Variants in KCNQ5 observed in about 807,000 individuals in gnomAD.
The protein encoded by KCNQ5 is potassium voltage-gated channel subfamily KQT member 5.
Under a neutral mutation model 98.2 loss-of-function variants are expected in KCNQ5, and 30 were observed. The ratio of observed to expected loss-of-function variants is 0.31; its 90% confidence interval spans 0.23 to 0.41. The LOEUF (loss-of-function observed/expected upper bound fraction) is 0.41, where lower values mean the gene tolerates loss of function less well. Ranked by LOEUF, KCNQ5 falls within the 10% of genes least tolerant of loss-of-function variation. The probability of loss-of-function intolerance (pLI) is 1.00; values close to 1 mark genes in which losing one functional copy is unlikely to be tolerated. For missense variants in KCNQ5, 835 were observed against 1,182.5 expected, an observed-to-expected ratio of 0.71 and a Z score of 4.31; for synonymous variants, 458 against 449.4, an observed-to-expected ratio of 1.02 and a Z score of -0.24.
chr6:73,141,930 T>A (rs1776731079), intron 10 of KCNQ5, among the ~76,000 whole-genome samples: 1 of 152,214 alleles, frequency 6.6e-6, no homozygotes, highest in African/African-American at 2.4e-5. Context: ...CCAGAAGCAG[T>A]TTAGCTGAAT....
At chr6:72,828,155 G>A (rs1280563854) in intron 1 of KCNQ5, among the ~76,000 whole-genome samples, 1 of 152,136 alleles carries the variant, frequency 6.6e-6, no homozygotes. Flanking sequence ...ATTGAGGACT[G>A]GTAGTGTGGT....
chr6:72,830,686 A>G (rs1776219248), intron 1 of KCNQ5, among the ~76,000 whole-genome samples: 2 of 152,250 alleles, frequency 1.3e-5, no homozygotes, highest in African/African-American at 4.8e-5. Context: ...CAAGGATCTC[A>G]TGTCTAAAAC....
chr6:72,892,655 C>T (rs1199684564), intron 1 of KCNQ5, among the ~76,000 whole-genome samples: 2 of 151,482 alleles, frequency 1.3e-5, no homozygotes, highest in Non-Finnish European at 2.9e-5. Flanking sequence ...ATTTGCAGAC[C>T]GACACTCCTG....
At chr6:73,013,419 A>C (rs904051386) in intron 2 of KCNQ5, among the ~76,000 whole-genome samples, 4 of 152,074 alleles carry the variant, frequency 2.6e-5, no homozygotes, top group African/African-American at 9.7e-5. Flanking sequence ...AAATTTGTGA[A>C]CTCAAGAACG....
At chr6:73,075,841 C>T (rs1773515219) in intron 3 of KCNQ5, among the ~76,000 whole-genome samples, 1 of 152,004 alleles carries the variant, frequency 6.6e-6, no homozygotes, top group Admixed American at 6.6e-5. Context: ...CTCAGGAGTT[C>T]GAGACCAGCC....
chr6:72,653,957 AAAAT>A (rs1225322426), intron 1 of KCNQ5, among the ~76,000 whole-genome samples: 2 of 152,108 alleles, frequency 1.3e-5, no homozygotes, highest in African/African-American at 4.8e-5. Flanking sequence ...AGTTACTTTG[AAAAT>A]AAATAAAAAT....
At chr6:73,043,192 T>G in intron 3 of KCNQ5, 1 of 409,006 alleles carries the variant, frequency 2.4e-6, no homozygotes, top group Non-Finnish European at 5.2e-6. Flanking sequence ...GAAGAATCCT[T>G]TATTCCATAC....
At chr6:73,178,187 C>T (rs1283831512) in intron 11 of KCNQ5, among the ~76,000 whole-genome samples, 3 of 151,358 alleles carry the variant, frequency 2.0e-5, no homozygotes, top group Non-Finnish European at 2.9e-5. Flanking sequence ...CAAATTTAGT[C>T]GCCATATCAA....
At chr6:73,147,675 T>A (rs1480089443) in intron 10 of KCNQ5, among the ~76,000 whole-genome samples, 3 of 152,182 alleles carry the variant, frequency 2.0e-5, no homozygotes, top group African/African-American at 7.2e-5. Flanking sequence ...AAAATATTTA[T>A]TTTGAATGAA....
intron 7 of KCNQ5, among the ~76,000 whole-genome samples, chr6:73,119,270 C>G (rs1775647402): frequency 6.6e-6 from 1 of 152,162 alleles, no homozygotes; most frequent in African/African-American, 2.4e-5. Context: ...AGCAAGTCTC[C>G]GTGGAGGGAT....
In KCNQ5 at chr6:72,622,346, G is replaced by A. The variant is rs1304012976; in HGVS notation, c.157G>A (p.Ala53Thr). Residue 53 changes from alanine (A) to threonine (T), a missense_variant, in exon 1 of 14, where the codon GCC becomes ACC. This residue lies in a region of KCNQ5 where 21 missense variants were observed against 43.9 expected (regional missense o/e 0.48). Coordinates refer to ENST00000370398, the MANE Select transcript of KCNQ5 (RefSeq NM_019842.4). The surrounding 1 kb of genome is among the most constrained non-coding windows in gnomAD (Gnocchi z 6.0). ...CAGGGTGCTGCTGAACTCGGCAGCC[G>A]CCAGGGGCGACGGCCTGCTACTGCT... ...RGRVLLNSAA[A>T]RGDGLLLLGT... 5 of 1,431,654 alleles carry A rather than the reference G, an allele frequency of 3.5e-6. No individual in the cohort carries two copies. Among genetic ancestry groups the A allele is most frequent in the Admixed American group, 3.0e-5 (1 of 33,100 alleles). 88.7% of individuals were successfully genotyped at this position (1,431,654 alleles called of 1,614,324 possible). A position where few individuals can be genotyped will look rare whatever the true frequency, so the allele number is the denominator to read the frequency against.
At chr6:73,187,051 C>A (rs1357836789) in intron 11 of KCNQ5, among the ~76,000 whole-genome samples, 1 of 151,236 alleles carries the variant, frequency 6.6e-6, no homozygotes, top group South Asian at 2.1e-4. Context: ...GTTTAATAAC[C>A]ACCAAAATTC....
At chr6:73,049,740 T>G (rs1016418392) in intron 3 of KCNQ5, among the ~76,000 whole-genome samples, 2 of 152,136 alleles carry the variant, frequency 1.3e-5, no homozygotes, top group Non-Finnish European at 2.9e-5. Flanking sequence ...ATATTCTAAT[T>G]CCACTGGCCA....
rs373905189 is a variant in KCNQ5 at position 73,070,738 on chromosome 6, A to C, written c.617-6584A>C. ...CTGGGAAGTGGCATACATCATTTCC[A>C]TTCGTCTTCATTAACTAGAATTAGT... On this transcript the variant is annotated intron_variant, in intron 3 of 13. Coordinates refer to ENST00000370398, the MANE Select transcript of KCNQ5 (RefSeq NM_019842.4). 2.6e-5 allele frequency among the ~76,000 whole-genome samples: 4 copies of C among 152,186 alleles called. No individual in the cohort carries two copies. In the East Asian group the frequency reaches 7.7e-4, roughly 29 times the overall value.
chr6:73,045,993 T>C (rs1197206607), intron 3 of KCNQ5, among the ~76,000 whole-genome samples: 1 of 152,146 alleles, frequency 6.6e-6, no homozygotes, highest in Non-Finnish European at 1.5e-5. Context: ...AGGAATAAAA[T>C]AAAATTTTAT....
chr6:72,692,953 A>G (rs1262160432), intron 1 of KCNQ5, among the ~76,000 whole-genome samples: 2 of 152,186 alleles, frequency 1.3e-5, no homozygotes, highest in African/African-American at 4.8e-5. Context: ...TCAAAAAGGA[A>G]TGAGGAGGTG....
chr6:73,072,446 T>A (rs945745670), intron 3 of KCNQ5, among the ~76,000 whole-genome samples: 1 of 152,218 alleles, frequency 6.6e-6, no homozygotes. Context: ...AGATGTACAA[T>A]TGGCCTTGCT....
At chr6:73,099,524 TA>T (rs1183700026) in intron 5 of KCNQ5, among the ~76,000 whole-genome samples, 4 of 151,248 alleles carry the variant, frequency 2.6e-5, no homozygotes, top group African/African-American at 9.7e-5. Context: ...AGAGCAGGAG[TA>T]GCTACACTTA....
intron 1 of KCNQ5, among the ~76,000 whole-genome samples, chr6:72,887,811 A>G (rs1276270341): frequency 6.6e-6 from 1 of 152,172 alleles, no homozygotes; most frequent in Non-Finnish European, 1.5e-5. Context: ...AAGAAGAGGA[A>G]AAAAAACCTA....
Sources: allele counts gnomAD v4.1 joint callset (sites outside exome capture counted in the v4.1 genomes callset), GRCh38; gene constraint gnomAD v4.1.1; regional missense constraint gnomAD v4.1.1; non-coding constraint Gnocchi (gnomAD v3.1); transcripts MANE v1.5; gene names NCBI Gene and HGNC (gene_info 2026-07-23, HGNC 2026-07-21).